Variants in CSMD3 observed in about 807,000 individuals in gnomAD.
CSMD3 encodes CUB and Sushi multiple domains 3, also known as CUB and sushi domain-containing protein 3.
Under a neutral mutation model 435.2 loss-of-function variants are expected in CSMD3, and 177 were observed. The observed-to-expected ratio is 0.41, with a 90% CI of 0.36 to 0.46. The LOEUF (loss-of-function observed/expected upper bound fraction) is 0.46, where lower values mean the gene tolerates loss of function less well. Ranked by LOEUF, CSMD3 falls within the 20% of genes least tolerant of loss-of-function variation. CSMD3 has a pLI of 0.34. For synonymous variants in CSMD3, 1,656 were observed against 1,520.5 expected (o/e 1.09, Z -2.07); for missense variants, 4,265 against 4,504.6 (o/e 0.95, Z 1.52).
intron 2 of CSMD3, among the ~76,000 whole-genome samples, chr8:113,306,850 C>CT (rs1313151334): frequency 2.0e-5 from 3 of 152,140 alleles, no homozygotes; most frequent in African/African-American, 7.2e-5. Context: ...TTTATTCACT[C>CT]TAATTTCTGT....
At chr8:113,153,216 T>G (rs2091866345) in intron 4 of CSMD3, among the ~76,000 whole-genome samples, 16 of 120,310 alleles carry the variant, frequency 1.3e-4, no homozygotes, top group South Asian at 2.8e-4. Context: ...AAGAGAGAGG[T>G]ACGGAAAGAG....
At chr8:112,885,648 AT>A (rs753273566) in intron 10 of CSMD3, among the ~76,000 whole-genome samples, 5 of 151,764 alleles carry the variant, frequency 3.3e-5, no homozygotes, top group Non-Finnish European at 7.4e-5. Flanking sequence ...TATAACCACA[AT>A]TAATGACAAT....
chr8:112,746,199 T>C (rs1433875519), intron 13 of CSMD3, among the ~76,000 whole-genome samples: 1 of 152,238 alleles, frequency 6.6e-6, no homozygotes, highest in Non-Finnish European at 1.5e-5. Context: ...TTTTTTCTGT[T>C]GACAAGTAAG....
At chr8:112,332,918 T>G (rs562957592) in intron 45 of CSMD3, among the ~76,000 whole-genome samples, 130 of 152,284 alleles carry the variant, frequency 8.5e-4, no homozygotes, top group African/African-American at 3.0e-3. Flanking sequence ...ACAATTACAA[T>G]ATTTCTACAG....
intron 35 of CSMD3, among the ~76,000 whole-genome samples, chr8:112,405,215 A>ATATATATATATATATATATATATG (rs1831708757): frequency 8.4e-5 from 1 of 11,902 alleles, no homozygotes; most frequent in African/African-American, 2.0e-4. Flanking sequence ...AAAAACCCCC[A>ATATATATATATATATATATATATG]TATATATATA....
At chr8:113,180,360 G>C (rs2092406216) in intron 3 of CSMD3, among the ~76,000 whole-genome samples, 1 of 151,862 alleles carries the variant, frequency 6.6e-6, no homozygotes, top group Admixed American at 6.6e-5. Context: ...GTATAGTTTG[G>C]AATTTACCTG....
intron 13 of CSMD3, among the ~76,000 whole-genome samples, chr8:112,694,914 A>G (rs1194865483): frequency 6.6e-6 from 1 of 152,102 alleles, no homozygotes; most frequent in Non-Finnish European, 1.5e-5. Context: ...TGCATTTCCA[A>G]CTGAGGTACC....
intron 13 of CSMD3, among the ~76,000 whole-genome samples, chr8:112,700,192 T>C (rs1364337060): frequency 6.6e-6 from 1 of 152,154 alleles, no homozygotes; most frequent in Non-Finnish European, 1.5e-5. Flanking sequence ...TGCAAATTAT[T>C]TGATGCTTCT....
At chr8:112,842,085 A>G (rs2080193665) in intron 11 of CSMD3, among the ~76,000 whole-genome samples, 1 of 151,778 alleles carries the variant, frequency 6.6e-6, no homozygotes, top group African/African-American at 2.4e-5. Context: ...CACAGGTATA[A>G]TATCACATTC....
intron 38 of CSMD3, 74 bp downstream of exon 38, chr8:112,380,278 T>A (rs1563866272): frequency 8.4e-6 from 7 of 830,298 alleles, no homozygotes; most frequent in Non-Finnish European, 1.4e-5. Flanking sequence ...AATATGTACA[T>A]ATCAACAAAA....
chr8:112,433,117 T>A (rs193178618), intron 32 of CSMD3, among the ~76,000 whole-genome samples: 26 of 152,148 alleles, frequency 1.7e-4, no homozygotes, highest in African/African-American at 5.5e-4. Flanking sequence ...TACAGGCTAA[T>A]CAGTTCAAAC....
chr8:112,299,233 A>G (rs7819634), intron 53 of CSMD3, among the ~76,000 whole-genome samples: 64,898 of 151,828 alleles, frequency 0.43, 14,549 homozygotes, highest in Middle Eastern at 0.53. Context: ...GGGGCATAAG[A>G]AAACTTTCTG....
chr8:113,331,930 G>C (rs777067450), intron 1 of CSMD3, among the ~76,000 whole-genome samples: 1 of 151,514 alleles, frequency 6.6e-6, no homozygotes, highest in Non-Finnish European at 1.5e-5. Context: ...TCTAGCCAGA[G>C]AAATTAGATA....
intron 61 of CSMD3, among the ~76,000 whole-genome samples, chr8:112,258,380 A>G (rs1317741086): frequency 6.6e-6 from 1 of 152,248 alleles, no homozygotes; most frequent in East Asian, 1.9e-4. Flanking sequence ...CAATCTATTC[A>G]TATGACAAAG....
At chr8:113,291,557 GA>G (rs2132532401) in intron 2 of CSMD3, among the ~76,000 whole-genome samples, 3 of 151,922 alleles carry the variant, frequency 2.0e-5, no homozygotes, top group East Asian at 3.9e-4. Context: ...AAGGCTAGTA[GA>G]TAGACTTTTT....
chr8:112,932,591 T>C (rs1564119578), intron 9 of CSMD3, among the ~76,000 whole-genome samples: 1 of 151,558 alleles, frequency 6.6e-6, no homozygotes, highest in Non-Finnish European at 1.5e-5. Context: ...TGAGGCGAGA[T>C]TGTGCCACTG....
intron 31 of CSMD3, among the ~76,000 whole-genome samples, chr8:112,481,678 A>C (rs1168108925): frequency 6.6e-6 from 1 of 152,166 alleles, no homozygotes; most frequent in Non-Finnish European, 1.5e-5. Flanking sequence ...CTAGTATAGA[A>C]TATGTTTGAA....
rs201296258 is a variant in CSMD3 at position 112,247,122 on chromosome 8, C to T, written c.10120G>A (p.Val3374Ile). ...CCTTTTTTGCAATGGAACTGTACAA[C>T]ACTTCCTACCTATAGCAAATTAAAG... ...NNTFGFQVGS[V>I]VQFHCKKGHL... The change falls in exon 64 of 71, where the codon GTT becomes ATT. Residue 3374 changes from valine to isoleucine, a missense_variant. Physicochemically the swap from Val to Ile is conservative, Grantham distance 29. Coordinates refer to ENST00000297405, the MANE Select transcript of CSMD3 (RefSeq NM_198123.2). 51 of 1,608,930 alleles carry T rather than the reference C, an allele frequency of 3.2e-5. No individual in the cohort carries two copies. The highest frequency in any genetic ancestry group is 4.3e-5 in the Non-Finnish European group (50 of 1,175,604).
chr8:113,380,585 C>T (rs2094410750), intron 1 of CSMD3, among the ~76,000 whole-genome samples: 1 of 152,266 alleles, frequency 6.6e-6, no homozygotes, highest in East Asian at 1.9e-4. Context: ...CAAAGACTGA[C>T]AATGAACATC....
Sources: gnomAD v4.1 joint callset for allele counts (sites outside exome capture counted in the v4.1 genomes callset) on GRCh38, gnomAD v4.1.1 for gene constraint, MANE v1.5 for transcripts, NCBI Gene and HGNC (gene_info 2026-07-23, HGNC 2026-07-21) for gene names.